The following CHM variants were observed in gnomAD, a reference collection of about 807,000 sequenced individuals.
The protein encoded by CHM is CHM Rab escort protein, also known as rab proteins geranylgeranyltransferase component A 1.
In CHM, 10 loss-of-function variants were observed where a neutral mutation model predicts 49.0. The ratio of observed to expected loss-of-function variants is 0.20; its 90% CI spans 0.13 to 0.35. CHM has a LOEUF of 0.35. CHM is among the 10% of genes least tolerant of loss of function. The probability of loss-of-function intolerance (pLI) is 1.00; values close to 1 mark genes in which losing one functional copy is unlikely to be tolerated. For synonymous variants in CHM, 184 were observed against 167.5 expected, an observed-to-expected ratio of 1.10 and a Z score of -0.76; for missense variants, 455 against 478.4, an observed-to-expected ratio of 0.95 and a Z score of 0.46.
intron 14 of CHM, among the ~76,000 whole-genome samples, chrX:85,868,317 G>A (rs889306739): frequency 4.5e-5 from 5 of 110,850 alleles, no homozygotes; most frequent in African/African-American, 1.6e-4. Context: ...GTACAGCATG[G>A]TAACTATAGC....
At chrX:85,919,130 C>T (rs182302889) in intron 8 of CHM, among the ~76,000 whole-genome samples, 252 of 112,226 alleles carry the variant, frequency 2.2e-3, no homozygotes, top group Middle Eastern at 9.3e-3. Flanking sequence ...TTAGATAAAA[C>T]TTCATATTAT....
At chrX:86,031,568 C>T (rs931004202) in intron 1 of CHM, among the ~76,000 whole-genome samples, 5 of 112,634 alleles carry the variant, frequency 4.4e-5, no homozygotes, top group East Asian at 2.8e-4. Context: ...GCGCTGGGCA[C>T]GGTGGCTCAC....
intron 13 of CHM, among the ~76,000 whole-genome samples, chrX:85,875,676 T>C (rs1159183685): frequency 6.3e-5 from 7 of 111,544 alleles, no homozygotes; most frequent in African/African-American, 2.3e-4. Context: ...GCCCAACAAT[T>C]ACTTAACACA....
intron 4 of CHM, chrX:85,969,328 G>T: frequency 1.3e-6 from 1 of 741,215 alleles, no homozygotes; most frequent in Non-Finnish European, 1.6e-6. Flanking sequence ...AACAAGCAAC[G>T]ATATTTTACC....
intron 2 of CHM, 194 bp downstream of exon 2, chrX:86,027,297 T>C (rs1039976697): frequency 1.2e-5 from 5 of 403,750 alleles, no homozygotes; most frequent in African/African-American, 1.0e-4. Context: ...TTTCACAAAA[T>C]AGTAAAACTT....
At chrX:85,885,390 T>C (rs1432881128) in intron 12 of CHM, among the ~76,000 whole-genome samples, 1 of 110,274 alleles carries the variant, frequency 9.1e-6, no homozygotes, top group East Asian at 2.8e-4. Context: ...TGAAATCCAG[T>C]GTTTAAAACT....
intron 2 of CHM, among the ~76,000 whole-genome samples, chrX:86,011,235 A>G: frequency 9.0e-6 from 1 of 111,557 alleles, no homozygotes; most frequent in Admixed American, 9.6e-5. Context: ...ATATTACAAA[A>G]ACATGCATGG....
At chrX:85,972,014 G>A (rs1324073808) in intron 4 of CHM, among the ~76,000 whole-genome samples, 1 of 109,653 alleles carries the variant, frequency 9.1e-6, no homozygotes, top group Non-Finnish European at 1.9e-5. Context: ...TAGACACAAA[G>A]GTTCTCCAAG....
chrX:86,035,857 G>C (rs1422933456), intron 1 of CHM, among the ~76,000 whole-genome samples: 1 of 98,840 alleles, frequency 1.0e-5, no homozygotes, highest in East Asian at 3.2e-4. Context: ...GCAGTAGCGC[G>C]ATCTCGGCTC....
In CHM at chrX:85,957,833, C is replaced by A. The variant is rs753751101; in HGVS notation, c.940+22G>T. ...TAAGAAATGTCAAATAATTGGAGAG[C>A]ACTACTTAATGAAAAAAATACCTTT... On this transcript the variant is annotated intron_variant, in intron 7 of 14. Transcript: ENST00000357749. 4.2e-6 allele frequency: 5 copies of A among 1,191,976 alleles called. No homozygotes were observed. In the Admixed American group the frequency reaches 6.7e-5, roughly 16 times the overall value.
At chrX:85,865,155 T>A (rs978165586) in intron 14 of CHM, among the ~76,000 whole-genome samples, 1 of 111,769 alleles carries the variant, frequency 8.9e-6, no homozygotes, top group Admixed American at 9.5e-5. Flanking sequence ...TTATATGATT[T>A]CTTATAGAGC....
At chrX:85,897,749 C>T (rs771091329) in intron 11 of CHM, among the ~76,000 whole-genome samples, 3 of 110,816 alleles carry the variant, frequency 2.7e-5, no homozygotes, top group Non-Finnish European at 5.7e-5. Flanking sequence ...AGCTGAATAA[C>T]GCTGGCACCC....
intron 8 of CHM, among the ~76,000 whole-genome samples, chrX:85,945,670 A>G (rs1929363860): frequency 9.1e-6 from 1 of 109,493 alleles, no homozygotes; most frequent in African/African-American, 3.3e-5. Context: ...GAACTGACTA[A>G]TACAGAAAAC....
intron 13 of CHM, among the ~76,000 whole-genome samples, chrX:85,873,686 G>A (rs897534944): frequency 9.0e-6 from 1 of 110,936 alleles, no homozygotes; most frequent in African/African-American, 3.3e-5. Flanking sequence ...TTGGGGTGAT[G>A]GAAATGTTCT....
intron 2 of CHM, among the ~76,000 whole-genome samples, chrX:85,984,351 A>T (rs12688517): frequency 0.012 from 1,357 of 112,184 alleles, 11 homozygotes; most frequent in East Asian, 0.053. Context: ...GTTAATGAGC[A>T]CATGAAAAAG....
intron 3 of CHM, among the ~76,000 whole-genome samples, chrX:85,981,206 C>CTATTTCTATATATA (rs1555958595): frequency 1.8e-5 from 1 of 54,366 alleles, no homozygotes. Context: ...ATTTCTATTT[C>CTATTTCTATATATA]TATATATATA....
At chrX:85,937,131 T>C (rs1309766641) in intron 8 of CHM, among the ~76,000 whole-genome samples, 1 of 108,890 alleles carries the variant, frequency 9.2e-6, no homozygotes. Context: ...CCGGGTGTGG[T>C]TGCGGGCGCC....
chrX:85,897,113 GAAGTATATATAATATATAAAT>G (rs1250330969), intron 11 of CHM, among the ~76,000 whole-genome samples: 3 of 54,451 alleles, frequency 5.5e-5, no homozygotes, highest in Non-Finnish European at 9.3e-5. Flanking sequence ...CAGCATATAT[GAAGTATATATAATATATAAAT>G]AAGTATATAT....
chrX:85,873,652 T>G (rs1202810513), intron 13 of CHM, among the ~76,000 whole-genome samples: 1 of 110,918 alleles, frequency 9.0e-6, no homozygotes, highest in Non-Finnish European at 1.9e-5. Flanking sequence ...TGGGAGGTGA[T>G]CACTAATTGG....
Sources: allele counts gnomAD v4.1 joint callset (sites outside exome capture counted in the v4.1 genomes callset), GRCh38; gene constraint gnomAD v4.1.1; transcripts MANE v1.5; gene names NCBI Gene and HGNC (gene_info 2026-07-23, HGNC 2026-07-21).